The following SPATA6 variants were observed in gnomAD, a reference collection of about 807,000 sequenced individuals.
SPATA6 encodes spermatogenesis-associated protein 6.
A neutral mutation model predicts 65.3 loss-of-function variants in SPATA6; 56 were observed. The ratio of observed to expected loss-of-function variants is 0.86; its 90% confidence interval spans 0.69 to 1.07. The LOEUF (loss-of-function observed/expected upper bound fraction) is 1.07, where lower values mean the gene tolerates loss of function less well. SPATA6 is among the 50% of genes least tolerant of loss of function. SPATA6 has a pLI of 0.00. For synonymous variants in SPATA6, 199 were observed against 213.2 expected, an observed-to-expected ratio of 0.93 and a Z score of 0.58; for missense variants, 590 against 594.8, an observed-to-expected ratio of 0.99 and a Z score of 0.08.
At position 48,472,115 on chromosome 1, in the gene SPATA6, T is replaced by C. The variant is rs1658315014; in HGVS notation, c.-107A>G. 1 of 860,336 alleles carries C rather than the reference T, an allele frequency of 1.2e-6. No homozygotes were observed. Among genetic ancestry groups the C allele is most frequent in the Non-Finnish European group, 1.7e-6 (1 of 594,476 alleles). The allele number at this position is 860,336 out of a possible 1,614,324, so 53.3% of individuals were successfully genotyped here. The stretch of plus-strand genomic sequence containing the variant: ...GGAGGAGACGAGGTGGCGGCGGCGG[T>C]GGCAGCAGTGGCCCCCAGGCCGGGG... On this transcript the variant is annotated 5_prime_UTR_variant, in exon 1 of 13. Transcript: ENST00000371847.
chr1:48,459,391 TA>T (rs1174342830), intron 1 of SPATA6, among the ~76,000 whole-genome samples: 1 of 152,032 alleles, frequency 6.6e-6, no homozygotes, highest in Non-Finnish European at 1.5e-5. Context: ...TCACCAAGGA[TA>T]AAGTGGAACA....
intron 12 of SPATA6, 58 bp from the exon 13 acceptor site, chr1:48,298,951 C>A: frequency 6.6e-7 from 1 of 1,511,778 alleles, no homozygotes; most frequent in East Asian, 2.3e-5. Flanking sequence ...AGAGATAGTA[C>A]TATGTAAATC....
chr1:48,358,023 T>C (rs1306375972), intron 10 of SPATA6, among the ~76,000 whole-genome samples: 1 of 152,150 alleles, frequency 6.6e-6, no homozygotes, highest in Non-Finnish European at 1.5e-5. Flanking sequence ...CATTTTCTTC[T>C]AGCAAATAAC....
At chr1:48,273,330 T>C in the SPATA6 span, among the ~76,000 whole-genome samples, 1 of 152,198 alleles carries the variant, frequency 6.6e-6, no homozygotes, top group Non-Finnish European at 1.5e-5. Context: ...CACTTGGATA[T>C]ACAGTTTGCC....
At chr1:48,268,416 C>T in the SPATA6 span, among the ~76,000 whole-genome samples, 11 of 151,890 alleles carry the variant, frequency 7.2e-5, no homozygotes, top group Non-Finnish European at 1.6e-4. Context: ...ATTGAACATT[C>T]CTAAGAGCTA....
At chr1:48,462,007 T>C (rs1417189089) in intron 1 of SPATA6, among the ~76,000 whole-genome samples, 1 of 152,200 alleles carries the variant, frequency 6.6e-6, no homozygotes, top group East Asian at 1.9e-4. Context: ...TGGCATACTA[T>C]GCAGCCATAA....
chr1:48,402,811 T>C (rs1651295857), intron 6 of SPATA6: 1 of 152,178 alleles, frequency 6.6e-6, no homozygotes, highest in Non-Finnish European at 1.5e-5. Flanking sequence ...ACAATGCAAC[T>C]GCACATGAAT....
At chr1:48,303,727 G>A (rs1644994312) in intron 12 of SPATA6, among the ~76,000 whole-genome samples, 1 of 152,160 alleles carries the variant, frequency 6.6e-6, no homozygotes, top group African/African-American at 2.4e-5. Context: ...AAATATGGGA[G>A]TGCTGATATT....
Position 48,355,689 on chromosome 1 carries a change from G to T in SPATA6, c.1175C>A (p.Ala392Asp), listed in dbSNP as rs763344193. Residue 392 changes from alanine to aspartate, a missense_variant, in exon 11 of 13, where the codon GCT (alanine) becomes GAT (aspartate). Physicochemically the swap from Ala to Asp is moderately radical, Grantham distance 126. Transcript: ENST00000371847. ...ACTAACATATAAATGTCTTTGATGAGCCTGATGTGATTTCAAGACATTTTT... is the reference window on the plus strand; with the variant it reads ...ACTAACATATAAATGTCTTTGATGATCCTGATGTGATTTCAAGACATTTTT... ...RVKNVLKSHQ[A>D]HQRHLYDERD... 2.5e-6 allele frequency: 4 copies of T among 1,612,404 alleles called. No homozygotes were observed. In the South Asian group the frequency reaches 4.4e-5, roughly 18 times the overall value.
chr1:48,458,207 C>T (rs1432650925), intron 1 of SPATA6, among the ~76,000 whole-genome samples: 1 of 151,864 alleles, frequency 6.6e-6, no homozygotes, highest in Admixed American at 6.6e-5. Flanking sequence ...AAAATAGTCA[C>T]AGAAAACAAA....
intron 3 of SPATA6, among the ~76,000 whole-genome samples, chr1:48,438,886 G>A (rs528730529): frequency 2.6e-5 from 4 of 152,024 alleles, no homozygotes; most frequent in Admixed American, 6.6e-5. Flanking sequence ...CCCATCAGGT[G>A]GGGGGGACTA....
At chr1:48,435,240 G>A (rs1019056107) in intron 3 of SPATA6, among the ~76,000 whole-genome samples, 5 of 152,164 alleles carry the variant, frequency 3.3e-5, no homozygotes, top group Admixed American at 3.3e-4. Context: ...GGTCAAGTGG[G>A]GACTTGGAGA....
Position 48,466,098 on chromosome 1 carries a change from A to G in SPATA6, c.51+5860T>C, listed in dbSNP as rs527568221. ...TGTAAAATGCTCCCTAGGGCACACAATACACCCCTGAGAACAACAGACACA... is the reference window on the plus strand; with the variant it reads ...TGTAAAATGCTCCCTAGGGCACACAGTACACCCCTGAGAACAACAGACACA... On this transcript the variant is annotated intron_variant, in intron 1 of 12. Transcript: ENST00000371847. 1.2e-4 allele frequency among the ~76,000 whole-genome samples: 19 copies of G among 152,262 alleles called. No individual in the cohort carries two copies. In the South Asian group the frequency reaches 3.9e-3, roughly 32 times the overall value.
the SPATA6 span, among the ~76,000 whole-genome samples, chr1:48,268,493 C>A: frequency 6.6e-6 from 1 of 151,912 alleles, no homozygotes; most frequent in African/African-American, 2.4e-5. Flanking sequence ...TTAACTTCTA[C>A]CTCTAACATT....
chr1:48,343,630 C>G (rs1482099163), intron 11 of SPATA6, among the ~76,000 whole-genome samples: 1 of 152,080 alleles, frequency 6.6e-6, no homozygotes, highest in Non-Finnish European at 1.5e-5. Flanking sequence ...GAAATAAAAA[C>G]TGAACTTGAT....
At chr1:48,471,232 G>C (rs534158057) in intron 1 of SPATA6, among the ~76,000 whole-genome samples, 1 of 152,298 alleles carries the variant, frequency 6.6e-6, no homozygotes, top group East Asian at 1.9e-4. Context: ...TCTTGAGCAA[G>C]TCTGGAGAGT....
intron 1 of SPATA6, among the ~76,000 whole-genome samples, chr1:48,471,122 TAG>T (rs1277851456): frequency 6.6e-6 from 1 of 152,066 alleles, no homozygotes; most frequent in Non-Finnish European, 1.5e-5. Context: ...ACAAGGGGAA[TAG>T]AGTTTTCTCC....
chr1:48,289,391 G>C, the SPATA6 span, among the ~76,000 whole-genome samples: 38 of 152,286 alleles, frequency 2.5e-4, no homozygotes, highest in African/African-American at 8.9e-4. Flanking sequence ...ACAAAGATGG[G>C]GAGAAACCAG....
At chr1:48,307,741 C>CA (rs991571499) in intron 11 of SPATA6, among the ~76,000 whole-genome samples, 1 of 151,648 alleles carries the variant, frequency 6.6e-6, no homozygotes, top group Non-Finnish European at 1.5e-5. Flanking sequence ...TCTATTCTAT[C>CA]AGTTTTTCCT....
Sources: allele counts gnomAD v4.1 joint callset (sites outside exome capture counted in the v4.1 genomes callset), GRCh38; gene constraint gnomAD v4.1.1; transcripts MANE v1.5; gene names NCBI Gene and HGNC (gene_info 2026-07-23, HGNC 2026-07-21).